ZBTB20: variants seen among roughly 807,000 people sequenced by gnomAD.
ZBTB20 encodes the protein zinc finger and BTB domain-containing protein 20.
ZBTB20 carries 9 observed loss-of-function variants against 56.9 expected under a neutral mutation model. The observed-to-expected ratio is 0.16, with a 90% confidence interval of 0.10 to 0.28. The LOEUF (loss-of-function observed/expected upper bound fraction) is 0.28, where lower values mean the gene tolerates loss of function less well. Ranked by LOEUF, ZBTB20 falls within the 10% of genes least tolerant of loss-of-function variation. The pLI is 1.00. For synonymous variants in ZBTB20, 417 were observed against 420.7 expected (o/e 0.99, Z 0.11); for missense variants, 655 against 1,003.0 (o/e 0.65, Z 4.69).
At chr3:115,142,051 C>T (rs751454919) in intron 1 of ZBTB20, among the ~76,000 whole-genome samples, 13 of 152,130 alleles carry the variant, frequency 8.5e-5, no homozygotes, top group Non-Finnish European at 1.9e-4. Context: ...CAAAATAACA[C>T]TTCATCCCAA....
intron 7 of ZBTB20, among the ~76,000 whole-genome samples, chr3:114,441,909 C>G (rs1246637238): frequency 1.3e-5 from 2 of 151,864 alleles, no homozygotes; most frequent in African/African-American, 4.8e-5. Context: ...CAAAAAAAAC[C>G]ACCAACAAAA....
At chr3:114,976,447 G>T in intron 2 of ZBTB20, among the ~76,000 whole-genome samples, 1 of 152,024 alleles carries the variant, frequency 6.6e-6, no homozygotes, top group Non-Finnish European at 1.5e-5. Context: ...TCAACATGGC[G>T]AAACCCCATC....
At chr3:114,877,541 G>T (rs564958435) in intron 4 of ZBTB20, among the ~76,000 whole-genome samples, 1 of 152,322 alleles carries the variant, frequency 6.6e-6, no homozygotes, top group East Asian at 1.9e-4. Flanking sequence ...CTGCTGTGGA[G>T]ATTATTCAAG....
chr3:115,075,769 G>A (rs889152686), intron 1 of ZBTB20, among the ~76,000 whole-genome samples: 2 of 152,084 alleles, frequency 1.3e-5, no homozygotes, highest in African/African-American at 2.4e-5. Flanking sequence ...AGTACTGGAA[G>A]TCTTACCCAG....
chr3:114,338,839 C>T lies in ZBTB20; in HGVS notation c.*166G>A, dbSNP rs2079554953. ...TCCGGAAATGTAATGTACCAGCAGGCAAAAAACAGTTCTTCATGTAGTACA... is the reference window on the plus strand; with the variant it reads ...TCCGGAAATGTAATGTACCAGCAGGTAAAAAACAGTTCTTCATGTAGTACA... On this transcript the variant is annotated 3_prime_UTR_variant, in exon 12 of 12. Transcript: ENST00000675478. The T allele has an allele frequency of 1.3e-6, 1 of 745,436 alleles. No individual in the cohort carries two copies. The highest frequency in any genetic ancestry group is 2.0e-6 in the Non-Finnish European group (1 of 503,336). The allele number at this position is 745,436 out of a possible 1,614,324, so 46.2% of individuals were successfully genotyped here.
rs533361701 is a variant in ZBTB20, at chr3:114,485,648, G to C, written c.-255+14704C>G. On this transcript the variant is annotated intron_variant, in intron 7 of 11. Transcript: ENST00000675478. ...TTAATTGCCCATGTGATAGTATTAA[G>C]AGGTGGAGTCTTTAGGAAGTGATTA... 2.9e-4 allele frequency among the ~76,000 whole-genome samples: 44 copies of C among 152,270 alleles called. No homozygotes were observed. The South Asian group carries it at 8.1e-3, about 28-fold the overall frequency.
chr3:114,910,406 A>G (rs1309163774), intron 3 of ZBTB20, among the ~76,000 whole-genome samples: 1 of 151,896 alleles, frequency 6.6e-6, no homozygotes, highest in Non-Finnish European at 1.5e-5. Context: ...TGTGATAAAA[A>G]TTGGACCATA....
At chr3:114,734,179 A>T (rs2065960723) in intron 5 of ZBTB20, among the ~76,000 whole-genome samples, 1 of 151,626 alleles carries the variant, frequency 6.6e-6, no homozygotes, top group Admixed American at 6.6e-5. Context: ...ATAAATAAAT[A>T]AAAAAATAAA....
chr3:114,413,405 C>A (rs1476858955), intron 7 of ZBTB20, among the ~76,000 whole-genome samples: 1 of 152,118 alleles, frequency 6.6e-6, no homozygotes, highest in Non-Finnish European at 1.5e-5. Context: ...TAAATAGTAT[C>A]ACAAAGGTTT....
At chr3:114,951,237 G>A (rs1464713983) in intron 3 of ZBTB20, among the ~76,000 whole-genome samples, 4 of 151,874 alleles carry the variant, frequency 2.6e-5, no homozygotes, top group Non-Finnish European at 5.9e-5. Flanking sequence ...AATTTCCATT[G>A]CTTTTGTTTT....
At chr3:115,060,690 G>T (rs2081981502) in intron 2 of ZBTB20, among the ~76,000 whole-genome samples, 1 of 152,076 alleles carries the variant, frequency 6.6e-6, no homozygotes, top group Admixed American at 6.6e-5. Context: ...TATGGGGGAA[G>T]TTTTTCAAAT....
intron 2 of ZBTB20, among the ~76,000 whole-genome samples, chr3:114,981,276 G>A (rs1476724044): frequency 6.6e-6 from 1 of 152,062 alleles, no homozygotes; most frequent in Non-Finnish European, 1.5e-5. Flanking sequence ...AGTTCCTTCA[G>A]AAGACAGGCC....
At chr3:114,699,615 G>C (rs2063269980) in intron 5 of ZBTB20, among the ~76,000 whole-genome samples, 1 of 151,936 alleles carries the variant, frequency 6.6e-6, no homozygotes, top group Non-Finnish European at 1.5e-5. Context: ...TTAAAAAATG[G>C]GGCTACCATC....
chr3:115,116,595 C>A (rs765489131), intron 1 of ZBTB20, among the ~76,000 whole-genome samples: 1 of 151,874 alleles, frequency 6.6e-6, no homozygotes, highest in Admixed American at 6.6e-5. Context: ...TGTGAACATA[C>A]AAAGTGCAAG....
intron 4 of ZBTB20, among the ~76,000 whole-genome samples, chr3:114,866,214 T>A (rs540086817): frequency 6.6e-6 from 1 of 152,342 alleles, no homozygotes; most frequent in South Asian, 2.1e-4. Context: ...TTACATGCAT[T>A]ATTCCATTTA....
At chr3:114,980,825 G>C (rs2078296534) in intron 2 of ZBTB20, among the ~76,000 whole-genome samples, 2 of 151,962 alleles carry the variant, frequency 1.3e-5, no homozygotes, top group Admixed American at 1.3e-4. Context: ...AAGAAAGATT[G>C]CTGCTTGATG....
intron 4 of ZBTB20, among the ~76,000 whole-genome samples, chr3:114,858,525 CGT>C (rs145263695): frequency 0.012 from 1,821 of 146,220 alleles, 25 homozygotes; most frequent in African/African-American, 0.037. Flanking sequence ...TGCGTGTATT[CGT>C]GTGTGTGTGT....
intron 5 of ZBTB20, among the ~76,000 whole-genome samples, chr3:114,749,428 CT>C (rs2067375976): frequency 1.3e-5 from 2 of 152,032 alleles, no homozygotes; most frequent in Admixed American, 6.6e-5. Context: ...CGGTGGATAC[CT>C]GTAATCCTGG....
chr3:114,531,219 C>T (rs1347164441), intron 6 of ZBTB20, among the ~76,000 whole-genome samples: 3 of 152,292 alleles, frequency 2.0e-5, no homozygotes, highest in South Asian at 4.1e-4. Flanking sequence ...TGTGTTCCAG[C>T]TCTTGGTAGA....
Sources: allele counts gnomAD v4.1 joint callset (sites outside exome capture counted in the v4.1 genomes callset), GRCh38; gene constraint gnomAD v4.1.1; transcripts MANE v1.5; gene names NCBI Gene and HGNC (gene_info 2026-07-23, HGNC 2026-07-21).